The following RBFOX1 variants were observed in gnomAD, a reference collection of about 807,000 sequenced individuals.
The protein encoded by RBFOX1 is RNA binding fox-1 homolog 1, also known as RNA binding protein fox-1 homolog 1.
In RBFOX1, 8 loss-of-function variants were observed where a neutral mutation model predicts 57.7. The ratio of observed to expected loss-of-function variants is 0.14; its 90% confidence interval spans 0.08 to 0.25. The LOEUF (loss-of-function observed/expected upper bound fraction) is 0.25. RBFOX1 is among the 10% of genes least tolerant of loss of function. The probability of loss-of-function intolerance (pLI) is 1.00; values close to 1 mark genes in which losing one functional copy is unlikely to be tolerated. For synonymous variants in RBFOX1, 326 were observed against 222.4 expected (o/e 1.47, Z -4.15); for missense variants, 611 against 548.5 (o/e 1.11, Z -1.14).
rs185208913 is a variant in RBFOX1 at position 7,620,702 on chromosome 16, T to G, written c.677-9901T>G. 8.3e-4 allele frequency among the ~76,000 whole-genome samples: 127 copies of G among 152,346 alleles called. 1 individual carries two copies. Among genetic ancestry groups the G allele is most frequent in the African/African-American group, 2.8e-3 (118 of 41,584 alleles). ...GGGTAATGGATATTGATCATTCTCA[T>G]GCTGAAGGATATGTTTTTATCAACT... On this transcript the variant is annotated intron_variant, in intron 10 of 15. Transcript: ENST00000550418.
At chr16:5,912,602 A>G (rs533653298) in intron 4 of RBFOX1, among the ~76,000 whole-genome samples, 27 of 152,342 alleles carry the variant, frequency 1.8e-4, no homozygotes, top group African/African-American at 5.8e-4. Flanking sequence ...CTTGGTAGGC[A>G]TCTGGCAAAA....
chr16:7,695,687 C>T (rs1397440355), intron 14 of RBFOX1, among the ~76,000 whole-genome samples: 2 of 150,456 alleles, frequency 1.3e-5, no homozygotes, highest in Admixed American at 6.6e-5. Flanking sequence ...GCTGTGCCCA[C>T]TACCCACATT....
intron 2 of RBFOX1, among the ~76,000 whole-genome samples, chr16:6,591,582 G>C (rs549138679): frequency 6.6e-6 from 1 of 152,168 alleles, no homozygotes; most frequent in Non-Finnish European, 1.5e-5. Context: ...TATGCACTGG[G>C]AGTGACCCAG....
At chr16:6,760,653 T>G (rs1266150036) in intron 3 of RBFOX1, among the ~76,000 whole-genome samples, 2 of 152,194 alleles carry the variant, frequency 1.3e-5, no homozygotes, top group Non-Finnish European at 2.9e-5. Flanking sequence ...AAGCATATAC[T>G]GGAGCAGAGA....
Position 5,351,001 on chromosome 16 carries a change from G to C in RBFOX1, c.219+110896G>C, listed in dbSNP as rs75101562. ...GAAATGTTAGCTACTCTCAGTGTTT[G>C]TGCTGAAGGCAATCGTTCACCCACC... On this transcript the variant is annotated intron_variant, in intron 1 of 2. Transcript: ENST00000585867. Among the ~76,000 whole-genome samples, 161 of 152,252 alleles carry C rather than the reference G, an allele frequency of 1.1e-3. 2 individuals are homozygous for C. In the East Asian group the frequency reaches 0.03, roughly 28 times the overall value.
Position 6,209,980 on chromosome 16 carries a change from G to T in RBFOX1, c.-126-107015G>T, listed in dbSNP as rs180783234. Among the ~76,000 whole-genome samples the T allele has an allele frequency of 1.7e-3, 252 of 152,240 alleles. 2 individuals are homozygous for T. The highest frequency in any genetic ancestry group is 5.8e-3 in the African/African-American group (241 of 41,548). On this transcript the variant is annotated intron_variant, in intron 1 of 15. Coordinates refer to ENST00000550418, the MANE Select transcript of RBFOX1 (RefSeq NM_018723.4). Reference sequence around the variant, plus strand: ...TTTTGTTTGTTTTTTTACTTTAAAAGATTTTATATTTCTTCTCCATCTAGG... The same window carrying T: ...TTTTGTTTGTTTTTTTACTTTAAAATATTTTATATTTCTTCTCCATCTAGG...
intron 1 of RBFOX1, among the ~76,000 whole-genome samples, chr16:5,433,481 C>T (rs933182974): frequency 1.8e-4 from 28 of 152,122 alleles, no homozygotes; most frequent in African/African-American, 6.0e-4. Context: ...GATTATAGCT[C>T]CTGATGGCAT....
chr16:6,917,192 T>A (rs976794539), intron 3 of RBFOX1, among the ~76,000 whole-genome samples: 2 of 152,182 alleles, frequency 1.3e-5, no homozygotes, highest in Non-Finnish European at 2.9e-5. Context: ...GTTTCTGTTC[T>A]TAATTTGTAT....
At chr16:7,398,907 T>C (rs895432382) in intron 4 of RBFOX1, among the ~76,000 whole-genome samples, 1 of 152,198 alleles carries the variant, frequency 6.6e-6, no homozygotes, top group Non-Finnish European at 1.5e-5. Flanking sequence ...CTGTAACAAA[T>C]GCCCACAAAC....
chr16:7,254,499 T>TC (rs34458899), intron 4 of RBFOX1, among the ~76,000 whole-genome samples: 7 of 33,374 alleles, frequency 2.1e-4, no homozygotes, highest in African/African-American at 5.0e-4. Context: ...TCTCTCTCTC[T>TC]TTTTTTTTAT....
chr16:6,682,581 T>C (rs767573562), intron 3 of RBFOX1, among the ~76,000 whole-genome samples: 2 of 151,912 alleles, frequency 1.3e-5, no homozygotes, highest in African/African-American at 2.4e-5. Context: ...GTCCTGTGCA[T>C]TGTGGGTGCT....
chr16:5,690,234 C>T (rs1267069432), intron 3 of RBFOX1, among the ~76,000 whole-genome samples: 1 of 152,200 alleles, frequency 6.6e-6, no homozygotes, highest in Non-Finnish European at 1.5e-5. Flanking sequence ...ATGAGCTCCA[C>T]CTGAATGCAT....
At chr16:6,277,617 G>A (rs2075960259) in intron 1 of RBFOX1, among the ~76,000 whole-genome samples, 2 of 149,060 alleles carry the variant, frequency 1.3e-5, no homozygotes, top group Admixed American at 1.3e-4. Flanking sequence ...AGTGAGCCGT[G>A]ATTGCACCAC....
At chr16:7,363,024 C>A (rs1404796335) in intron 4 of RBFOX1, among the ~76,000 whole-genome samples, 1 of 152,174 alleles carries the variant, frequency 6.6e-6, no homozygotes, top group Non-Finnish European at 1.5e-5. Flanking sequence ...TCTCCTGAGG[C>A]TTAAGCAGGA....
intron 2 of RBFOX1, among the ~76,000 whole-genome samples, chr16:6,571,830 T>A (rs1356924418): frequency 6.6e-6 from 1 of 152,068 alleles, no homozygotes; most frequent in Non-Finnish European, 1.5e-5. Context: ...TGTAAAAATA[T>A]GAGTCATTAT....
chr16:6,921,681 A>G (rs186818937), intron 3 of RBFOX1, among the ~76,000 whole-genome samples: 27 of 151,326 alleles, frequency 1.8e-4, no homozygotes, highest in African/African-American at 6.5e-4. Flanking sequence ...CAATCAATAG[A>G]CAGTATGGCA....
At chr16:6,748,677 T>C (rs1355378795) in intron 3 of RBFOX1, among the ~76,000 whole-genome samples, 2 of 152,122 alleles carry the variant, frequency 1.3e-5, no homozygotes, top group African/African-American at 4.8e-5. Flanking sequence ...CACCTAATTA[T>C]TTGGAGTATA....
chr16:7,661,697 A>G (rs1255399846), intron 12 of RBFOX1, among the ~76,000 whole-genome samples: 7 of 152,218 alleles, frequency 4.6e-5, no homozygotes, highest in African/African-American at 1.7e-4. Flanking sequence ...TTCGGTCTTC[A>G]TGCCTTCGCA....
At chr16:6,704,955 A>T (rs1452402321) in intron 3 of RBFOX1, 4 of 152,120 alleles carry the variant, frequency 2.6e-5, no homozygotes, top group Non-Finnish European at 5.9e-5. Flanking sequence ...AAGTCGTGCC[A>T]GATTCTTTAT....
Sources: allele counts gnomAD v4.1 joint callset (sites outside exome capture counted in the v4.1 genomes callset), GRCh38; gene constraint gnomAD v4.1.1; transcripts MANE v1.5; gene names NCBI Gene and HGNC (gene_info 2026-07-23, HGNC 2026-07-21).